ST6GALNAC1: variants seen among roughly 807,000 people sequenced by gnomAD.
ST6GALNAC1 encodes the protein ST6 N-acetylgalactosaminide alpha-2,6-sialyltransferase 1.
In ST6GALNAC1, 45 loss-of-function variants were observed where a neutral mutation model predicts 56.8. The ratio of observed to expected loss-of-function variants is 0.79; its 90% CI spans 0.62 to 1.02. The LOEUF (loss-of-function observed/expected upper bound fraction) is 1.02. ST6GALNAC1 is among the 50% of genes least tolerant of loss of function. ST6GALNAC1 has a pLI of 0.00. For synonymous variants in ST6GALNAC1, 295 were observed against 297.8 expected, an observed-to-expected ratio of 0.99 and a Z score of 0.10; for missense variants, 743 against 754.8, an observed-to-expected ratio of 0.98 and a Z score of 0.18.
rs774623342 is a variant in ST6GALNAC1 at position 76,629,274 on chromosome 17, G to T, written c.569C>A (p.Thr190Asn). 6.8e-6 allele frequency: 11 copies of T among 1,614,062 alleles called. No homozygotes were observed. The highest frequency in any genetic ancestry group is 9.3e-6 in the Non-Finnish European group (11 of 1,180,050). ...VSEKHQGKAA[T>N]TAKTLIPKSQ... Reference sequence around the variant, plus strand: ...TTTGGGAATGAGCGTCTTGGCTGTGGTTGCCGCTTTGCCCTGGTGCTTCTC... The same window carrying T: ...TTTGGGAATGAGCGTCTTGGCTGTGTTTGCCGCTTTGCCCTGGTGCTTCTC... The change falls in exon 2 of 9, where the codon ACC becomes AAC. Residue 190 changes from threonine (T) to asparagine (N), a missense_variant. Coordinates refer to ENST00000156626, the MANE Select transcript of ST6GALNAC1 (RefSeq NM_018414.5).
At chr17:76,629,981 A>G (rs2075868846) in intron 1 of ST6GALNAC1, among the ~76,000 whole-genome samples, 1 of 151,544 alleles carries the variant, frequency 6.6e-6, no homozygotes, top group Non-Finnish European at 1.5e-5. Context: ...TGGGGGTTTC[A>G]CCATGCTGGC....
At chr17:76,626,149 G>A in intron 6 of ST6GALNAC1, 54 bp from the exon 7 acceptor site, 5 of 1,587,166 alleles carry the variant, frequency 3.2e-6, no homozygotes, top group Non-Finnish European at 4.3e-6. Flanking sequence ...GTCTGGGGTG[G>A]GCCAAGTCAG....
intron 6 of ST6GALNAC1, 48 bp downstream of exon 6, chr17:76,626,241 G>T: frequency 6.3e-7 from 1 of 1,590,220 alleles, no homozygotes; most frequent in South Asian, 1.1e-5. Flanking sequence ...AGCCACTCAT[G>T]ACATGGCTCA....
intron 1 of ST6GALNAC1, among the ~76,000 whole-genome samples, chr17:76,643,225 A>G (rs969469994): frequency 6.6e-6 from 1 of 152,080 alleles, no homozygotes; most frequent in African/African-American, 2.4e-5. Flanking sequence ...TTCTGTCTGC[A>G]CTCTGCAGAC....
chr17:76,639,638 AACACACACAC>A (rs55706272), intron 1 of ST6GALNAC1, among the ~76,000 whole-genome samples: 5,819 of 125,108 alleles, frequency 0.047, 178 homozygotes, highest in East Asian at 0.099. Context: ...TTACATGATA[AACACACACAC>A]ACACACACAC....
intron 1 of ST6GALNAC1, chr17:76,633,656 T>C (rs988462739): frequency 1.3e-5 from 2 of 152,190 alleles, no homozygotes; most frequent in African/African-American, 2.4e-5. Flanking sequence ...GAGTCTCTGT[T>C]GTCTAGGCTG....
chr17:76,619,846 C>T (rs1294938844), downstream of ST6GALNAC1, among the ~76,000 whole-genome samples: 1 of 146,496 alleles, frequency 6.8e-6, no homozygotes, highest in Non-Finnish European at 1.5e-5. Flanking sequence ...CAAGTTCAAG[C>T]GATTCTCCTG....
chr17:76,636,757 C>T (rs1272652891), intron 1 of ST6GALNAC1, among the ~76,000 whole-genome samples: 1 of 152,182 alleles, frequency 6.6e-6, no homozygotes, highest in Admixed American at 6.5e-5. Flanking sequence ...GCCGCCACCC[C>T]ATCTGGGAGG....
At chr17:76,632,737 T>C (rs2075921773) in intron 1 of ST6GALNAC1, among the ~76,000 whole-genome samples, 2 of 152,152 alleles carry the variant, frequency 1.3e-5, no homozygotes, top group Non-Finnish European at 2.9e-5. Flanking sequence ...TTCGGCCCTG[T>C]GTGGTCCTGA....
chr17:76,636,559 C>T (rs78692982), intron 1 of ST6GALNAC1, among the ~76,000 whole-genome samples: 12,723 of 152,246 alleles, frequency 0.084, 946 homozygotes, highest in East Asian at 0.19. Flanking sequence ...GAGCTGAGAT[C>T]ACGCCACTGC....
At chr17:76,628,466 C>G (rs1000838646) in intron 2 of ST6GALNAC1, among the ~76,000 whole-genome samples, 9 of 152,184 alleles carry the variant, frequency 5.9e-5, no homozygotes, top group African/African-American at 2.2e-4. Context: ...GGACACTGCC[C>G]CTCTGCAAGG....
intron 1 of ST6GALNAC1, among the ~76,000 whole-genome samples, chr17:76,642,686 T>C (rs1311319235): frequency 6.6e-6 from 1 of 152,170 alleles, no homozygotes; most frequent in Non-Finnish European, 1.5e-5. Context: ...ATCCCAGCGC[T>C]TTGGGAGGCC....
In ST6GALNAC1 at chr17:76,625,351, T is replaced by G; in HGVS notation, c.1782A>C (p.Gly594=). 1 of 1,613,572 alleles carries G rather than the reference T, an allele frequency of 6.2e-7. No individual in the cohort carries two copies. Among genetic ancestry groups the G allele is most frequent in the Non-Finnish European group, 8.5e-7 (1 of 1,180,000 alleles). Residue 594 remains glycine (G), a synonymous_variant, in exon 9 of 9, where the codon GGA becomes GGC. Coordinates refer to ENST00000156626, the MANE Select transcript of ST6GALNAC1 (RefSeq NM_018414.5). ...CCGGTCAGTTCTTGGCTTTGGCAGT[T>G]CCGGGACCAGGACGCTGGTACAGCC... is the stretch of plus-strand genomic sequence containing the variant. ...IIRLYQRPGP[G]TAKAKN
downstream of ST6GALNAC1, among the ~76,000 whole-genome samples, chr17:76,619,996 G>T (rs946053968): frequency 6.6e-6 from 1 of 151,762 alleles, no homozygotes; most frequent in African/African-American, 2.4e-5. Flanking sequence ...CGCCTGCCTC[G>T]GCCTCCCAAA....
In ST6GALNAC1 at chr17:76,642,278, A is replaced by G. The variant is rs114873571; in HGVS notation, c.131+1230T>C. Among the ~76,000 whole-genome samples the G allele has an allele frequency of 1.9e-3, 267 of 142,522 alleles. 1 individual carries two copies. Among genetic ancestry groups the G allele is most frequent in the African/African-American group, 7.3e-3 (257 of 35,078 alleles). The allele number at this position is 142,522 out of a possible 152,430, so 93.5% of individuals were successfully genotyped here. A position where few individuals can be genotyped will look rare whatever the true frequency, so the allele number is the denominator to read the frequency against. ...ATCGGGCTTGTATAGCATAAAGGTA[A>G]TGAGCACAGGGTATGGCACCAAAAT... On this transcript the variant is annotated intron_variant, in intron 1 of 8. Transcript: ENST00000156626.
In ST6GALNAC1 at chr17:76,631,463, A is replaced by G. The variant is rs1315179340; in HGVS notation, c.132-1752T>C. On this transcript the variant is annotated intron_variant, in intron 1 of 8. Coordinates refer to ENST00000156626, the MANE Select transcript of ST6GALNAC1 (RefSeq NM_018414.5). Reference sequence around the variant, plus strand: ...ATTTTCAACTAAGAAAAAGAAAAGGAAAAATTTATTATAAGAATAGAAAGT... The same window carrying G: ...ATTTTCAACTAAGAAAAAGAAAAGGGAAAATTTATTATAAGAATAGAAAGT... 2.0e-5 allele frequency among the ~76,000 whole-genome samples: 3 copies of G among 152,178 alleles called. No homozygotes were observed. In the East Asian group the frequency reaches 5.8e-4, roughly 29 times the overall value.
intron 1 of ST6GALNAC1, chr17:76,637,730 T>C (rs1272317011): frequency 1.3e-5 from 5 of 398,914 alleles, no homozygotes; most frequent in African/African-American, 1.0e-4. Flanking sequence ...GAGCCCTTGA[T>C]ACCATCCTGC....
At position 76,625,823 on chromosome 17, in the gene ST6GALNAC1, T is replaced by A; in HGVS notation, c.1601A>T (p.Asp534Val). The A allele has an allele frequency of 6.5e-7, 1 of 1,532,494 alleles. No homozygotes were observed. The highest frequency in any genetic ancestry group is 8.7e-7 in the Non-Finnish European group (1 of 1,144,860). The allele number at this position is 1,532,494 out of a possible 1,614,324, so 94.9% of individuals were successfully genotyped here. The change falls in exon 8 of 9, where the codon GAC (aspartate) becomes GTC (valine). Residue 534 changes from aspartate (D) to valine (V), a missense_variant. By Grantham distance (152) the Asp-to-Val change is radical. Coordinates refer to ENST00000156626, the MANE Select transcript of ST6GALNAC1 (RefSeq NM_018414.5). ...LLLLTALQLC[D>V]QVSAYGFITE... The stretch of plus-strand genomic sequence containing the variant: ...GCAGCTGCAGTGGAGCCTTACCTGG[T>A]CACAGAGCTGAAGGGCAGTGAGCAG...
intron 1 of ST6GALNAC1, among the ~76,000 whole-genome samples, chr17:76,641,633 C>T (rs2076049478): frequency 6.6e-6 from 1 of 152,194 alleles, no homozygotes; most frequent in South Asian, 2.1e-4. Flanking sequence ...TAAACTTGCA[C>T]CTGTCAGTGT....
Sources: gnomAD v4.1 joint callset for allele counts (sites outside exome capture counted in the v4.1 genomes callset) on GRCh38, gnomAD v4.1.1 for gene constraint, MANE v1.5 for transcripts, NCBI Gene and HGNC (gene_info 2026-07-23, HGNC 2026-07-21) for gene names.